Variants in SIPA1L1 observed in about 807,000 individuals in gnomAD.
SIPA1L1 encodes signal-induced proliferation-associated 1-like protein 1.
In SIPA1L1, 26 loss-of-function variants were observed where a neutral mutation model predicts 162.7. The ratio of observed to expected loss-of-function variants is 0.16; its 90% CI spans 0.12 to 0.22. The LOEUF is 0.22. Among genes scored for constraint, SIPA1L1 ranks in the 10% least tolerant of loss-of-function variants. SIPA1L1 has a pLI of 1.00. For missense variants in SIPA1L1, 1,874 were observed against 2,241.0 expected (o/e 0.84, Z 3.31); for synonymous variants, 829 against 837.4 (o/e 0.99, Z 0.17).
At chr14:71,637,096 A>AAT (rs111864429) in intron 7 of SIPA1L1, among the ~76,000 whole-genome samples, 8 of 142,604 alleles carry the variant, frequency 5.6e-5, no homozygotes, top group African/African-American at 2.1e-4. Flanking sequence ...TTAAAAAAAA[A>AAT]TTTTTTTTTT....
At chr14:71,546,635 G>T (rs2146063666) in intron 4 of SIPA1L1, among the ~76,000 whole-genome samples, 1 of 152,022 alleles carries the variant, frequency 6.6e-6, no homozygotes, top group Middle Eastern at 3.4e-3. Flanking sequence ...ACCGTGCCCG[G>T]CCTGCATTCA....
At chr14:71,450,845 G>C (rs1024820614) in intron 2 of SIPA1L1, among the ~76,000 whole-genome samples, 3 of 152,102 alleles carry the variant, frequency 2.0e-5, no homozygotes, top group Non-Finnish European at 4.4e-5. Flanking sequence ...ACAATATGGA[G>C]GTTCCTTAAA....
At chr14:71,547,039 A>G (rs939958082) in intron 4 of SIPA1L1, among the ~76,000 whole-genome samples, 10 of 151,848 alleles carry the variant, frequency 6.6e-5, no homozygotes, top group Non-Finnish European at 1.2e-4. Flanking sequence ...TGTCAGAACT[A>G]TATTGTGGTG....
chr14:71,367,375 C>G (rs1172359587), intron 2 of SIPA1L1, among the ~76,000 whole-genome samples: 1 of 145,932 alleles, frequency 6.9e-6, no homozygotes, highest in African/African-American at 2.5e-5. Flanking sequence ...GGCGCGATCT[C>G]TGCTCACTGT....
intron 2 of SIPA1L1, among the ~76,000 whole-genome samples, chr14:71,495,354 G>A (rs2049655691): frequency 6.6e-6 from 1 of 151,696 alleles, no homozygotes; most frequent in South Asian, 2.1e-4. Flanking sequence ...GGTTATTTAT[G>A]TCTCTCTAGG....
chr14:71,343,001 T>A (rs1182796283), intron 2 of SIPA1L1, among the ~76,000 whole-genome samples: 1 of 152,218 alleles, frequency 6.6e-6, no homozygotes, highest in Non-Finnish European at 1.5e-5. Flanking sequence ...CCAAAATTAT[T>A]TAATGAATTC....
At chr14:71,476,676 T>TATTC (rs920290632) in intron 2 of SIPA1L1, among the ~76,000 whole-genome samples, 51 of 128,740 alleles carry the variant, frequency 4.0e-4, no homozygotes, top group African/African-American at 1.2e-3. Flanking sequence ...TTTATTTATT[T>TATTC]ATTTATTTAT....
At chr14:71,466,860 T>A (rs2047041752) in intron 2 of SIPA1L1, among the ~76,000 whole-genome samples, 1 of 152,220 alleles carries the variant, frequency 6.6e-6, no homozygotes, top group Non-Finnish European at 1.5e-5. Flanking sequence ...ACTTGTTCTT[T>A]CAGTTTATTT....
At chr14:71,583,932 G>A (rs2034268212) in intron 4 of SIPA1L1, among the ~76,000 whole-genome samples, 1 of 152,068 alleles carries the variant, frequency 6.6e-6, no homozygotes, top group African/African-American at 2.4e-5. Context: ...TTCTGCCTTT[G>A]TTCAGCTGCA....
At chr14:71,332,916 ATAG>A (rs1173928034) in intron 2 of SIPA1L1, among the ~76,000 whole-genome samples, 3 of 152,208 alleles carry the variant, frequency 2.0e-5, no homozygotes, top group African/African-American at 4.8e-5. Flanking sequence ...CTTTTTATAG[ATAG>A]TAGAAATATT....
rs763671211 is a variant in SIPA1L1, at chr14:71,546,070, G to A, written c.-303+16700G>A. On this transcript the variant is annotated intron_variant, in intron 4 of 23. Transcript: ENST00000381232. Reference sequence around the variant, plus strand: ...TGCACTCCAGCCTGGGAAACAGAGCGAGACCCTGTCTCAGGAAAAAAAAAG... The same window carrying A: ...TGCACTCCAGCCTGGGAAACAGAGCAAGACCCTGTCTCAGGAAAAAAAAAG... Among the ~76,000 whole-genome samples the A allele has an allele frequency of 6.8e-4, 104 of 151,960 alleles. 1 individual carries two copies. The highest frequency in any genetic ancestry group is 4.8e-3 in the Admixed American group (73 of 15,256).
At chr14:71,371,641 C>G (rs779910844) in intron 2 of SIPA1L1, among the ~76,000 whole-genome samples, 10 of 152,162 alleles carry the variant, frequency 6.6e-5, no homozygotes, top group Non-Finnish European at 1.5e-4. Flanking sequence ...CTCAAGTGAT[C>G]CACCTGCCTC....
At chr14:71,459,542 G>GA (rs1254533241) in intron 2 of SIPA1L1, among the ~76,000 whole-genome samples, 1 of 152,132 alleles carries the variant, frequency 6.6e-6, no homozygotes, top group Non-Finnish European at 1.5e-5. Flanking sequence ...CTGCAAGCTT[G>GA]AAGGAGCAAG....
chr14:71,376,013 T>C (rs957072903), intron 2 of SIPA1L1, among the ~76,000 whole-genome samples: 2 of 152,182 alleles, frequency 1.3e-5, no homozygotes, highest in African/African-American at 4.8e-5. Context: ...TCTGTGATTC[T>C]TATTTTTTGT....
chr14:71,709,227 T>C lies in SIPA1L1; in HGVS notation c.3771T>C (p.Asp1257=). The change falls in exon 17 of 24, where the codon GAT becomes GAC. Residue 1257 remains aspartate (D), a synonymous_variant. Coordinates refer to ENST00000381232, the MANE Select transcript of SIPA1L1 (RefSeq NM_001386936.1). ...HLSPNKQGHS[D]SHYSSHSSSN... is the part of the protein sequence containing the mutation. ...AAATTCTGCTTCTCTTGCAGTCTGA[T>C]AGCCACTACTCGAGCCACTCCAGTA... 6.2e-7 allele frequency: 1 copy of C among 1,609,614 alleles called. No individual in the cohort carries two copies. The highest frequency in any genetic ancestry group is 8.5e-7 in the Non-Finnish European group (1 of 1,177,012).
chr14:71,599,919 T>G (rs2036533007), intron 5 of SIPA1L1, among the ~76,000 whole-genome samples: 1 of 152,216 alleles, frequency 6.6e-6, no homozygotes, highest in Non-Finnish European at 1.5e-5. Flanking sequence ...GTGTGTATTC[T>G]TTTCAGAAAT....
chr14:71,509,416 A>G (rs566527408), intron 2 of SIPA1L1, among the ~76,000 whole-genome samples: 2 of 152,340 alleles, frequency 1.3e-5, no homozygotes, highest in South Asian at 4.1e-4. Context: ...GCATGGCAGA[A>G]CAATTGTTTT....
chr14:71,652,862 T>C (rs117613476), intron 8 of SIPA1L1, among the ~76,000 whole-genome samples: 209 of 152,300 alleles, frequency 1.4e-3, no homozygotes, highest in Non-Finnish European at 2.5e-3. Flanking sequence ...CGCTGTCCTT[T>C]AGATCCCTAA....
At chr14:71,364,153 C>T (rs926721592) in intron 2 of SIPA1L1, among the ~76,000 whole-genome samples, 2 of 152,130 alleles carry the variant, frequency 1.3e-5, no homozygotes, top group African/African-American at 4.8e-5. Flanking sequence ...TCCTTAGTTG[C>T]AGAATGATGG....
Sources: allele counts gnomAD v4.1 joint callset (sites outside exome capture counted in the v4.1 genomes callset), GRCh38; gene constraint gnomAD v4.1.1; transcripts MANE v1.5; gene names NCBI Gene and HGNC (gene_info 2026-07-23, HGNC 2026-07-21).